The following USH2A variants were observed in gnomAD, a reference collection of about 807,000 sequenced individuals.
USH2A encodes the protein Usher syndrome 2A (autosomal recessive, mild).
Under a neutral mutation model 538.9 loss-of-function variants are expected in USH2A, and 443 were observed. The ratio of observed to expected loss-of-function variants is 0.82; its 90% CI spans 0.76 to 0.89. The LOEUF (loss-of-function observed/expected upper bound fraction) is 0.89, where lower values mean the gene tolerates loss of function less well. USH2A is among the 40% of genes least tolerant of loss of function. USH2A has a pLI of 0.00. For synonymous variants in USH2A, 2,413 were observed against 2,273.5 expected (o/e 1.06, Z -1.75); for missense variants, 6,633 against 6,324.8 (o/e 1.05, Z -1.65).
intron 3 of USH2A, among the ~76,000 whole-genome samples, chr1:216,372,499 T>C (rs1471919630): frequency 1.3e-5 from 2 of 152,142 alleles, no homozygotes; most frequent in African/African-American, 4.8e-5. Context: ...AAGCTCTTCA[T>C]ATACTGCAAC....
intron 20 of USH2A, among the ~76,000 whole-genome samples, chr1:216,181,005 C>G (rs1478447042): frequency 6.6e-6 from 1 of 152,018 alleles, no homozygotes; most frequent in African/African-American, 2.4e-5. Flanking sequence ...AGTTTTCCCC[C>G]GAAACTCTCA....
intron 61 of USH2A, among the ~76,000 whole-genome samples, chr1:215,718,151 T>C (rs1005182819): frequency 6.6e-6 from 1 of 152,184 alleles, no homozygotes; most frequent in Non-Finnish European, 1.5e-5. Flanking sequence ...TGTTTCACCT[T>C]AAAAATTATA....
At chr1:216,309,567 C>T (rs1230028480) in intron 9 of USH2A, among the ~76,000 whole-genome samples, 2 of 151,868 alleles carry the variant, frequency 1.3e-5, no homozygotes, top group South Asian at 4.2e-4. Flanking sequence ...TGTTTTTATT[C>T]CTTCCTAATA....
chr1:216,323,950 G>T (rs984885971), intron 7 of USH2A, among the ~76,000 whole-genome samples: 2 of 152,052 alleles, frequency 1.3e-5, no homozygotes, highest in African/African-American at 4.8e-5. Context: ...AAATCAGATT[G>T]TGAAACATCA....
intron 38 of USH2A, among the ~76,000 whole-genome samples, chr1:215,907,389 A>C (rs2102475811): frequency 6.6e-6 from 1 of 152,054 alleles, no homozygotes; most frequent in South Asian, 2.1e-4. Context: ...TTTCCACTAA[A>C]TTTCCCCATT....
In USH2A at chr1:216,265,458, A is replaced by C. The variant is rs960011439; in HGVS notation, c.1972-14360T>G. Among the ~76,000 whole-genome samples the C allele has an allele frequency of 2.6e-5, 4 of 152,072 alleles. No individual in the cohort carries two copies. In the South Asian group the frequency reaches 6.2e-4, roughly 24 times the overall value. On this transcript the variant is annotated intron_variant, in intron 11 of 71. Coordinates refer to ENST00000307340, the MANE Select transcript of USH2A (RefSeq NM_206933.4). ...TGAAGGTCACTTAAAAAAACTAAAA[A>C]GAGAACTACCATATGATTCAGCAAT...
chr1:216,293,699 G>T (rs1293398850), intron 9 of USH2A, among the ~76,000 whole-genome samples: 1 of 152,098 alleles, frequency 6.6e-6, no homozygotes, highest in African/African-American at 2.4e-5. Flanking sequence ...TGTTTGTAAA[G>T]TGTCACTCGG....
In USH2A at chr1:215,900,095, G is replaced by A. The variant is rs775171361; in HGVS notation, c.7574C>T (p.Pro2525Leu). Residue 2525 changes from proline (P) to leucine (L), a missense_variant, in exon 40 of 72, where the codon CCA becomes CTA. By Grantham distance (98) the Pro-to-Leu change is moderately conservative. Coordinates refer to ENST00000307340, the MANE Select transcript of USH2A (RefSeq NM_206933.4). ...CTTACTGTCCTCTGCGGTCATGAAT[G>A]GAATCCAAGAACTATGTGCACTGCC... ...GFGSAHSSWI[P>L]FMTAEDKPGP... 2 of 1,613,684 alleles carry A rather than the reference G, an allele frequency of 1.2e-6. No homozygotes were observed. The highest frequency in any genetic ancestry group is 1.7e-6 in the Non-Finnish European group (2 of 1,179,742).
chr1:216,151,052 G>A (rs1220031414), intron 21 of USH2A, among the ~76,000 whole-genome samples: 1 of 152,054 alleles, frequency 6.6e-6, no homozygotes, highest in Non-Finnish European at 1.5e-5. Context: ...TCTCCTCCCA[G>A]GCCCTCTTCT....
At chr1:215,650,123 A>G (rs375964240) in intron 65 of USH2A, among the ~76,000 whole-genome samples, 1 of 152,204 alleles carries the variant, frequency 6.6e-6, no homozygotes, top group Admixed American at 6.5e-5. Flanking sequence ...CACCAGAGGA[A>G]TGAGAGTTTT....
chr1:215,911,063 AT>A (rs905008026), intron 38 of USH2A, among the ~76,000 whole-genome samples: 15 of 151,192 alleles, frequency 9.9e-5, no homozygotes, highest in African/African-American at 2.4e-4. Context: ...TAATTTTTTA[AT>A]TTTTTTTTAA....
chr1:216,026,703 C>A (rs972283751), intron 32 of USH2A, among the ~76,000 whole-genome samples: 1 of 152,104 alleles, frequency 6.6e-6, no homozygotes, highest in Non-Finnish European at 1.5e-5. Context: ...AGATAAAGTT[C>A]CTGCCCTCAA....
intron 46 of USH2A, 109 bp from the exon 47 acceptor site, chr1:215,838,212 T>G: frequency 1.1e-6 from 1 of 883,134 alleles, no homozygotes; most frequent in Non-Finnish European, 1.9e-6. Context: ...TGTATTTCTC[T>G]ATAGCCTCTT....
chr1:215,998,423 A>G (rs1311100122), intron 34 of USH2A, among the ~76,000 whole-genome samples: 1 of 152,254 alleles, frequency 6.6e-6, no homozygotes, highest in East Asian at 1.9e-4. Flanking sequence ...AGATAGGAGC[A>G]TAATATAAAC....
chr1:215,922,305 G>T (rs1666119906), intron 38 of USH2A, among the ~76,000 whole-genome samples: 1 of 152,084 alleles, frequency 6.6e-6, no homozygotes, highest in Admixed American at 6.6e-5. Flanking sequence ...CATGCCTGTT[G>T]CTTTCTGGTG....
intron 68 of USH2A, 136 bp from the exon 69 acceptor site, chr1:215,639,374 C>T: frequency 1.3e-6 from 1 of 792,930 alleles, no homozygotes; most frequent in Non-Finnish European, 2.1e-6. Flanking sequence ...ATATAATATT[C>T]AAAATTACTT....
intron 60 of USH2A, among the ~76,000 whole-genome samples, chr1:215,736,887 A>G (rs1468998464): frequency 6.6e-6 from 1 of 152,054 alleles, no homozygotes; most frequent in East Asian, 1.9e-4. Flanking sequence ...TATTTGGAAG[A>G]CAACTTAGGA....
intron 11 of USH2A, among the ~76,000 whole-genome samples, chr1:216,277,334 C>T (rs1014145437): frequency 1.8e-4 from 28 of 152,100 alleles, no homozygotes; most frequent in Non-Finnish European, 3.5e-4. Flanking sequence ...TAACCTTGCA[C>T]ACAAGCTGTT....
intron 27 of USH2A, among the ~76,000 whole-genome samples, chr1:216,076,880 T>A (rs1487058925): frequency 6.6e-6 from 1 of 152,102 alleles, no homozygotes; most frequent in Non-Finnish European, 1.5e-5. Context: ...TTTTCACACG[T>A]GGGAGGGTGC....
Sources: gnomAD v4.1 joint callset for allele counts (sites outside exome capture counted in the v4.1 genomes callset) on GRCh38, gnomAD v4.1.1 for gene constraint, MANE v1.5 for transcripts, NCBI Gene and HGNC (gene_info 2026-07-23, HGNC 2026-07-21) for gene names.